Variants in POLR3C observed in about 807,000 individuals in gnomAD.
POLR3C encodes RNA polymerase III subunit C.
Under a neutral mutation model 65.9 loss-of-function variants are expected in POLR3C, and 44 were observed. That is an observed-to-expected ratio of 0.67 (90% CI 0.52 to 0.86). The LOEUF (loss-of-function observed/expected upper bound fraction) is 0.86. Among genes scored for constraint, POLR3C ranks in the 40% least tolerant of loss-of-function variants. The probability of loss-of-function intolerance (pLI) is 0.00; values close to 1 mark genes in which losing one functional copy is unlikely to be tolerated. For synonymous variants in POLR3C, 263 were observed against 231.6 expected (o/e 1.14, Z -1.23); for missense variants, 576 against 653.2 (o/e 0.88, Z 1.29).
chr1:145,824,504 G>C, intron 1 of POLR3C, 135 bp downstream of exon 1: 1 of 1,286,458 alleles, frequency 7.8e-7, no homozygotes, highest in Non-Finnish European at 1.0e-6. Flanking sequence ...GATGGCAAAG[G>C]ATCTGGGAAT....
At chr1:145,826,145 T>A (rs1553725690) in intron 2 of POLR3C, among the ~76,000 whole-genome samples, 2 of 152,250 alleles carry the variant, frequency 1.3e-5, no homozygotes, top group African/African-American at 4.8e-5. Flanking sequence ...ATCTTTGCTC[T>A]TCCCATGCCG....
chr1:145,829,631 A>G (rs1235551508), intron 5 of POLR3C, among the ~76,000 whole-genome samples: 3 of 152,170 alleles, frequency 2.0e-5, no homozygotes, highest in Non-Finnish European at 2.9e-5. Flanking sequence ...GCCTTACGTG[A>G]TCTAGGTCTT....
Position 145,842,336 on chromosome 1 carries a change from C to T in POLR3C, c.1524-3C>T, listed in dbSNP as rs587763581. The T allele has an allele frequency of 5.0e-6, 8 of 1,592,578 alleles. No individual in the cohort carries two copies. In the East Asian group the frequency reaches 1.1e-4, roughly 22 times the overall value. ...TAGGCAAATGCCTTTACTTTTCACT[C>T]AGGTTGGATGCCAGTGAGATCCAGG... On this transcript the variant is annotated splice_polypyrimidine_tract_variant and splice_region_variant and intron_variant, in intron 14 of 14. Coordinates refer to ENST00000334163, the MANE Select transcript of POLR3C (RefSeq NM_006468.8).
At position 145,838,020 on chromosome 1, in the gene POLR3C, G is replaced by A. The variant is rs1439404619; in HGVS notation, c.1071-36G>A. ...TGACTGGGAACTAAAGCTGATCTATGTTAGCATGCCATTTGCTTTCTTCAT... is the reference window on the plus strand; with the variant it reads ...TGACTGGGAACTAAAGCTGATCTATATTAGCATGCCATTTGCTTTCTTCAT... On this transcript the variant is annotated intron_variant, in intron 10 of 14. Transcript: ENST00000334163. 1.9e-6 allele frequency: 3 copies of A among 1,606,294 alleles called. No homozygotes were observed. In the African/African-American group the frequency reaches 4.0e-5, roughly 21 times the overall value.
At position 145,844,239 on chromosome 1, in the gene POLR3C, G is replaced by A. The variant is rs1417544901; in HGVS notation, c.*1819G>A. Among the ~76,000 whole-genome samples the A allele has an allele frequency of 9.9e-5, 15 of 152,146 alleles. No individual in the cohort carries two copies. The highest frequency in any genetic ancestry group is 3.6e-4 in the African/African-American group (15 of 41,444). On this transcript the variant is annotated 3_prime_UTR_variant, in exon 15 of 15. Coordinates refer to ENST00000334163, the MANE Select transcript of POLR3C (RefSeq NM_006468.8). ...CCATGTTTATTGCAGCAGTATTCAC[G>A]ATAGCCAAAACATGGAATCAACCTA...
chr1:145,840,983 G>A lies in POLR3C; in HGVS notation c.1435G>A (p.Ala479Thr). 6.2e-7 allele frequency: 1 copy of A among 1,613,022 alleles called. No homozygotes were observed. The stretch of plus-strand genomic sequence containing the variant: ...CATTGCATCTATGCAGGCTACTGGT[G>A]CAGAGGAAGCACAGTTACAAGAAAT... ...AIIASMQATG[A>T]EEAQLQEIEE... Residue 479 changes from alanine (A) to threonine (T), a missense_variant, in exon 14 of 15, where the codon GCA becomes ACA. Coordinates refer to ENST00000334163, the MANE Select transcript of POLR3C (RefSeq NM_006468.8).
At chr1:145,831,451 G>A (rs749500495) in intron 5 of POLR3C, among the ~76,000 whole-genome samples, 1 of 151,168 alleles carries the variant, frequency 6.6e-6, no homozygotes, top group African/African-American at 2.4e-5. Context: ...GGGGGCAGAG[G>A]TTGCAGTGAG....
chr1:145,836,388 C>T (rs1294908600), intron 7 of POLR3C, 106 bp from the exon 8 acceptor site: 47 of 728,994 alleles, frequency 6.4e-5, no homozygotes, highest in African/African-American at 1.4e-4. Context: ...CCAAAGTGTT[C>T]GGATTACAGG....
chr1:145,839,028 T>G (rs1652081846), intron 11 of POLR3C, among the ~76,000 whole-genome samples: 1 of 152,126 alleles, frequency 6.6e-6, no homozygotes, highest in African/African-American at 2.4e-5. Flanking sequence ...CCCAGCACTT[T>G]GGGAGGCCTA....
intron 4 of POLR3C, among the ~76,000 whole-genome samples, chr1:145,827,320 T>C (rs1167807899): frequency 1.3e-5 from 2 of 152,154 alleles, no homozygotes; most frequent in Admixed American, 6.5e-5. Context: ...TAAACTGTAA[T>C]AAGTGCCATG....
At position 145,841,040 on chromosome 1, in the gene POLR3C, C is replaced by G. The variant is rs782029366; in HGVS notation, c.1492C>G (p.Gln498Glu). The G allele has an allele frequency of 1.2e-6, 2 of 1,613,168 alleles. No individual in the cohort carries two copies. The highest frequency in any genetic ancestry group is 3.3e-5 in the Admixed American group (2 of 60,016). ...EEMITAPERQ[Q>E]LETLKRNVNK... ...GATGATCACAGCTCCTGAACGTCAG[C>G]AGCTAGAGACCCTGAAACGTAATGT... The change falls in exon 14 of 15, where the codon CAG (glutamine) becomes GAG (glutamate). Residue 498 changes from glutamine (Q) to glutamate (E), a missense_variant. By Grantham distance (29) the Gln-to-Glu change is conservative (BLOSUM62 2). Coordinates refer to ENST00000334163, the MANE Select transcript of POLR3C (RefSeq NM_006468.8).
At chr1:145,827,758 CAAAAAAAA>C (rs1163679762) in intron 4 of POLR3C, among the ~76,000 whole-genome samples, 1 of 58,556 alleles carries the variant, frequency 1.7e-5, no homozygotes, top group Non-Finnish European at 3.3e-5. Context: ...GACTCCGTCT[CAAAAAAAA>C]AAAAAAAAAA....
Position 145,824,261 on chromosome 1 carries a change from G to C in POLR3C, c.-129G>C, listed in dbSNP as rs1426278232. ...TCGGTGGCGATCCGCGTCCTAGAAA[G>C]GGCGGTGGGCTCCACCTCGGCCTAG... On this transcript the variant is annotated 5_prime_UTR_variant, in exon 1 of 15. Transcript: ENST00000334163. The C allele has an allele frequency of 3.6e-6, 1 of 278,036 alleles. No homozygotes were observed. The highest frequency in any genetic ancestry group is 7.1e-6 in the Non-Finnish European group (1 of 141,170). 17.2% of individuals were successfully genotyped at this position (278,036 alleles called of 1,614,324 possible).
chr1:145,833,673 C>T (rs1651541183), intron 7 of POLR3C, 91 bp downstream of exon 7: 1 of 852,166 alleles, frequency 1.2e-6, no homozygotes. Context: ...GGGTTGAGGT[C>T]TGAGCCTTGA....
intron 7 of POLR3C, among the ~76,000 whole-genome samples, chr1:145,836,233 G>T (rs1219409238): frequency 6.6e-6 from 1 of 150,648 alleles, no homozygotes; most frequent in Non-Finnish European, 1.5e-5. Context: ...CAGTTCTCCT[G>T]CCTCAGCCTC....
chr1:145,826,571 C>T lies in POLR3C; in HGVS notation c.265C>T (p.Pro89Ser). The change falls in exon 3 of 15, where the codon CCC becomes TCC. Residue 89 changes from proline to serine, a missense_variant. Pro to Ser is a moderately conservative substitution (Grantham distance 74). Coordinates refer to ENST00000334163, the MANE Select transcript of POLR3C (RefSeq NM_006468.8). ...CCGGGTATTGCGAATGCTTAGATAT[C>T]CCCGGTACATCTATACTACCAAAAC... Reference protein sequence around the residue: ...CSRVLRMLRYPRYIYTTKTLY... With the variant: ...CSRVLRMLRYSRYIYTTKTLY... The T allele has an allele frequency of 1.2e-6, 2 of 1,613,974 alleles. No individual in the cohort carries two copies. The highest frequency in any genetic ancestry group is 2.2e-5 in the East Asian group (1 of 44,888).
At chr1:145,834,593 T>G (rs1189627344) in intron 7 of POLR3C, among the ~76,000 whole-genome samples, 1 of 151,940 alleles carries the variant, frequency 6.6e-6, no homozygotes, top group African/African-American at 2.4e-5. Context: ...GAGAATTGCT[T>G]GAACCCAGGA....
At chr1:145,827,188 C>T (rs782390252) in intron 4 of POLR3C, among the ~76,000 whole-genome samples, 183 bp downstream of exon 4, 3 of 152,100 alleles carry the variant, frequency 2.0e-5, no homozygotes, top group Non-Finnish European at 4.4e-5. Context: ...ATACATTAAT[C>T]GGAAAATCAC....
intron 5 of POLR3C, among the ~76,000 whole-genome samples, chr1:145,829,562 T>G (rs782704856): frequency 1.3e-5 from 2 of 152,220 alleles, no homozygotes; most frequent in Non-Finnish European, 2.9e-5. Flanking sequence ...ATCCACTGAT[T>G]AGACTCCTTT....
Sources: gnomAD v4.1 joint callset for allele counts (sites outside exome capture counted in the v4.1 genomes callset) on GRCh38, gnomAD v4.1.1 for gene constraint, MANE v1.5 for transcripts, NCBI Gene and HGNC (gene_info 2026-07-23, HGNC 2026-07-21) for gene names.